CSF1R: variants seen among roughly 807,000 people sequenced by gnomAD.
The protein encoded by CSF1R is macrophage colony-stimulating factor 1 receptor.
CSF1R carries 40 observed loss-of-function variants against 110.0 expected under a neutral mutation model. That is an observed-to-expected ratio of 0.36 (90% CI 0.28 to 0.47). The LOEUF (loss-of-function observed/expected upper bound fraction) is 0.47. Among genes scored for constraint, CSF1R ranks in the 20% least tolerant of loss-of-function variants. The pLI is 0.99. For missense variants in CSF1R, 1,052 were observed against 1,253.0 expected (o/e 0.84, Z 2.42); for synonymous variants, 523 against 503.4 (o/e 1.04, Z -0.52).
At chr5:150,061,433 G>GA in intron 12 of CSF1R, 58 bp downstream of exon 12, 1 of 1,009,616 alleles carries the variant, frequency 9.9e-7, no homozygotes, top group South Asian at 1.6e-5. Context: ...ACCAGGGCCA[G>GA]CCCACCCCCA....
intron 14 of CSF1R, 52 bp downstream of exon 14, chr5:150,059,648 C>T (rs541978304): frequency 4.4e-5 from 70 of 1,596,666 alleles, no homozygotes; most frequent in African/African-American, 2.9e-4. Flanking sequence ...AAGACAGACT[C>T]GGATCCTGCC....
intron 5 of CSF1R, among the ~76,000 whole-genome samples, chr5:150,075,380 A>G (rs758396267): frequency 1.3e-5 from 2 of 151,894 alleles, no homozygotes; most frequent in Non-Finnish European, 2.9e-5. Flanking sequence ...TAGCTCTCTG[A>G]CCTCATCTGA....
intron 3 of CSF1R, among the ~76,000 whole-genome samples, 180 bp from the exon 4 acceptor site, chr5:150,078,428 G>C (rs1388598316): frequency 6.6e-6 from 1 of 152,014 alleles, no homozygotes; most frequent in African/African-American, 2.4e-5. Flanking sequence ...GTCCTAAAGA[G>C]ACCTTGGAAA....
chr5:150,057,455 T>C (rs2113782268), intron 15 of CSF1R, 49 bp downstream of exon 15: 3 of 1,608,836 alleles, frequency 1.9e-6, no homozygotes, highest in Non-Finnish European at 2.6e-6. Flanking sequence ...CCCCTTCTCC[T>C]TTTCCCTTGT....
intron 1 of CSF1R, among the ~76,000 whole-genome samples, chr5:150,081,857 T>C (rs1320529229): frequency 6.6e-6 from 1 of 152,234 alleles, no homozygotes; most frequent in Non-Finnish European, 1.5e-5. Flanking sequence ...CCTATCAGGC[T>C]GTCCGGGAAG....
At chr5:150,076,939 C>T in intron 5 of CSF1R, 1 of 361,678 alleles carries the variant, frequency 2.8e-6, no homozygotes, top group Non-Finnish European at 5.3e-6. Flanking sequence ...TGATCATTGT[C>T]TTTTCATGTT....
At chr5:150,056,740 T>G (rs1027975907) in intron 16 of CSF1R, among the ~76,000 whole-genome samples, 2 of 152,166 alleles carry the variant, frequency 1.3e-5, no homozygotes, top group African/African-American at 4.8e-5. Flanking sequence ...CTTTTTCTTT[T>G]CAACAATCGT....
chr5:150,103,423 A>T (rs1759461066), intron 1 of CSF1R, among the ~76,000 whole-genome samples: 1 of 152,198 alleles, frequency 6.6e-6, no homozygotes, highest in Non-Finnish European at 1.5e-5. Context: ...TGGTCCCCGG[A>T]GGTACTACTT....
chr5:150,101,782 G>A (rs556340653), intron 1 of CSF1R, among the ~76,000 whole-genome samples: 20 of 150,160 alleles, frequency 1.3e-4, no homozygotes, highest in East Asian at 7.9e-4. Flanking sequence ...CTCTCTCCCC[G>A]CCTCAACTGC....
intron 14 of CSF1R, chr5:150,058,326 C>A: frequency 2.2e-6 from 1 of 456,264 alleles, no homozygotes; most frequent in Admixed American, 2.3e-5. Context: ...TAGACTGAAG[C>A]ACTACTGCTC....
intron 14 of CSF1R, 85 bp from the exon 15 acceptor site, chr5:150,057,677 T>A: frequency 2.1e-6 from 2 of 937,878 alleles, no homozygotes. Context: ...CACCACCCCA[T>A]GGTCAACTGG....
rs1489453592 is a variant in CSF1R at position 150,056,175 on chromosome 5, C to A, written c.2443-38G>T. ...TCCCCAGTTATTTTGGGCCCCGACT[C>A]TTCACCCCCTCCCCAGCCTGGCCCA... On this transcript the variant is annotated intron_variant, in intron 17 of 20. Transcript: ENST00000675795. 3.7e-6 allele frequency: 6 copies of A among 1,614,182 alleles called. No homozygotes were observed. In the African/African-American group the frequency reaches 8.0e-5, roughly 22 times the overall value.
At chr5:150,061,896 T>C (rs1757550136) in intron 10 of CSF1R, 47 bp from the exon 11 acceptor site, 1 of 1,611,692 alleles carries the variant, frequency 6.2e-7, no homozygotes, top group Non-Finnish European at 8.5e-7. Context: ...TGGCAGGCAG[T>C]TCCTGGACCT....
chr5:150,086,459 G>A lies in CSF1R; in HGVS notation c.-32C>T. On this transcript the variant is annotated 5_prime_UTR_variant, in exon 1 of 21. Coordinates refer to ENST00000675795, the MANE Select transcript of CSF1R (RefSeq NM_001288705.3). ...GGTGGGGAAGTGGCAGGCAGGTGCA[G>A]GGCTGCAAGGTGCCCAGGGCACAGA... The A allele has an allele frequency of 6.3e-7, 1 of 1,597,390 alleles. No individual in the cohort carries two copies. Among genetic ancestry groups the A allele is most frequent in the Non-Finnish European group, 8.5e-7 (1 of 1,171,958 alleles).
chr5:150,100,030 A>C (rs957807997), intron 1 of CSF1R, among the ~76,000 whole-genome samples: 1 of 152,182 alleles, frequency 6.6e-6, no homozygotes, highest in Non-Finnish European at 1.5e-5. Flanking sequence ...TCACAGATAG[A>C]CAAATAGACT....
chr5:150,077,507 C>T, intron 4 of CSF1R, 72 bp from the exon 5 acceptor site: 1 of 1,493,032 alleles, frequency 6.7e-7, no homozygotes, highest in East Asian at 2.3e-5. Flanking sequence ...TTCCAATCCT[C>T]AGCCTTTAAG....
intron 1 of CSF1R, among the ~76,000 whole-genome samples, chr5:150,101,161 A>G (rs1759391809): frequency 6.6e-6 from 1 of 151,956 alleles, no homozygotes; most frequent in African/African-American, 2.4e-5. Flanking sequence ...AATGAGATGG[A>G]AGTGAGGGTG....
At chr5:150,054,850 CT>C (rs1393870143) in intron 19 of CSF1R, 1 of 237,598 alleles carries the variant, frequency 4.2e-6, no homozygotes, top group African/African-American at 2.3e-5. Context: ...AATAGCTGGG[CT>C]TGGTGGTGCA....
chr5:150,077,469 G>C, intron 4 of CSF1R, 34 bp from the exon 5 acceptor site: 1 of 1,591,808 alleles, frequency 6.3e-7, no homozygotes, highest in Non-Finnish European at 8.6e-7. Flanking sequence ...GTTATACCAA[G>C]GTAGTTTAGG....
Sources: allele counts gnomAD v4.1 joint callset (sites outside exome capture counted in the v4.1 genomes callset), GRCh38; gene constraint gnomAD v4.1.1; transcripts MANE v1.5; gene names NCBI Gene and HGNC (gene_info 2026-07-23, HGNC 2026-07-21).